Variants in CREB3L3 observed in about 807,000 individuals in gnomAD.
CREB3L3 encodes the protein cAMP responsive element binding protein 3 like 3.
In CREB3L3, 40 loss-of-function variants were observed where a neutral mutation model predicts 44.6. That is an observed-to-expected ratio of 0.90 (90% CI 0.70 to 1.17). The LOEUF (loss-of-function observed/expected upper bound fraction) is 1.17, where lower values mean the gene tolerates loss of function less well. Among genes scored for constraint, CREB3L3 ranks in the 50% most tolerant of loss-of-function variants. CREB3L3 has a pLI of 0.00. For missense variants in CREB3L3, 578 were observed against 595.8 expected (o/e 0.97, Z 0.31); for synonymous variants, 273 against 256.3 (o/e 1.06, Z -0.62).
At chr19:4,161,733 G>T (rs1027049191) in intron 4 of CREB3L3, among the ~76,000 whole-genome samples, 1 of 152,206 alleles carries the variant, frequency 6.6e-6, no homozygotes, top group African/African-American at 2.4e-5. Context: ...AATGCCAAAG[G>T]TTATCCTGAT....
chr19:4,169,002 T>C (rs1396082457), intron 6 of CREB3L3, among the ~76,000 whole-genome samples: 1 of 152,032 alleles, frequency 6.6e-6, no homozygotes, highest in Non-Finnish European at 1.5e-5. Context: ...CCCAAAGTGC[T>C]GGGATTACAG....
chr19:4,159,729 C>T lies in CREB3L3; in HGVS notation c.523C>T (p.Arg175Ter), dbSNP rs531932249. ...KPADPVDLSPRCNLTVKDLLL... is the reference protein window; with the variant it reads ...KPADPVDLSP ...GGCTGATCCGGTGGACCTGTCCCCA[C>T]GATGCAATCTCACCGTGAAAGACCT... is the stretch of plus-strand genomic sequence containing the variant. Residue 175 changes from arginine to a stop codon, truncating the protein, a stop_gained, in exon 4 of 10, where the codon CGA (arginine) becomes TGA (stop). Coordinates refer to ENST00000078445, the MANE Select transcript of CREB3L3 (RefSeq NM_032607.3). LOFTEE classifies it high-confidence loss of function. The T allele has an allele frequency of 2.1e-5, 33 of 1,598,580 alleles. No homozygotes were observed. The highest frequency in any genetic ancestry group is 1.1e-4 in the African/African-American group (8 of 74,746).
chr19:4,156,732 C>G (rs2041584611), intron 2 of CREB3L3, among the ~76,000 whole-genome samples: 1 of 151,620 alleles, frequency 6.6e-6, no homozygotes, highest in Non-Finnish European at 1.5e-5. Flanking sequence ...GAACTCCTGA[C>G]CTCAAGTGAT....
At chr19:4,167,500 AAG>A (rs1285160499) in intron 5 of CREB3L3, among the ~76,000 whole-genome samples, 3 of 139,216 alleles carry the variant, frequency 2.2e-5, no homozygotes, top group South Asian at 2.7e-4. Flanking sequence ...GAGAAAGAGA[AAG>A]AGAAAGAGAG....
chr19:4,167,922 G>A (rs373948870), intron 5 of CREB3L3, among the ~76,000 whole-genome samples: 1 of 151,800 alleles, frequency 6.6e-6, no homozygotes, highest in Non-Finnish European at 1.5e-5. Flanking sequence ...GGACAGTGGG[G>A]ACTGTCGCAC....
intron 6 of CREB3L3, 101 bp from the exon 7 acceptor site, chr19:4,170,039 G>T: frequency 8.9e-7 from 1 of 1,128,522 alleles, no homozygotes; most frequent in Non-Finnish European, 1.3e-6. Flanking sequence ...CTCTGGCCTT[G>T]GGTTCTCTTG....
chr19:4,167,027 C>A (rs532901551), intron 5 of CREB3L3, among the ~76,000 whole-genome samples: 2 of 152,258 alleles, frequency 1.3e-5, no homozygotes, highest in African/African-American at 4.8e-5. Flanking sequence ...AACCACCGCG[C>A]CCAGCCTGAC....
chr19:4,164,412 GTGA>G, intron 4 of CREB3L3, 88 bp from the exon 5 acceptor site: 1 of 1,517,186 alleles, frequency 6.6e-7, no homozygotes. Context: ...CCAGCCTGGG[GTGA>G]TAGTGTTTTC....
At position 4,170,134 on chromosome 19, in the gene CREB3L3, T is replaced by C. The variant is rs1466336437; in HGVS notation, c.822-6T>C. The C allele has an allele frequency of 1.9e-6, 3 of 1,613,994 alleles. No individual in the cohort carries two copies. Among genetic ancestry groups the C allele is most frequent in the Non-Finnish European group, 2.5e-6 (3 of 1,179,902 alleles). The stretch of plus-strand genomic sequence containing the variant: ...GCTGAATGTCGATGCGTCTTCCTCC[T>C]TTCAGGATGTCAGCTTGCACTGCTC... On this transcript the variant is annotated splice_region_variant and splice_polypyrimidine_tract_variant and intron_variant, in intron 6 of 9. Coordinates refer to ENST00000078445, the MANE Select transcript of CREB3L3 (RefSeq NM_032607.3).
chr19:4,164,163 C>T (rs370160203), intron 4 of CREB3L3, among the ~76,000 whole-genome samples: 76 of 151,828 alleles, frequency 5.0e-4, no homozygotes, highest in Middle Eastern at 6.8e-3. Flanking sequence ...TTAGTAGAGA[C>T]GGGGTTTCAC....
Position 4,171,317 on chromosome 19 carries a change from C to T in CREB3L3, c.976-66C>T. ...GGTCTTTGGGGCCTCAGTTTCCCTGCCTGTGGGATGGAGATGCTTGCAGGG... is the reference window on the plus strand; with the variant it reads ...GGTCTTTGGGGCCTCAGTTTCCCTGTCTGTGGGATGGAGATGCTTGCAGGG... On this transcript the variant is annotated intron_variant, in intron 8 of 9. Transcript: ENST00000078445. The surrounding 1 kb of genome is among the most constrained non-coding windows in gnomAD (Gnocchi z 4.9). 1 of 1,522,118 alleles carries T rather than the reference C, an allele frequency of 6.6e-7. No homozygotes were observed. The highest frequency in any genetic ancestry group is 1.1e-5 in the South Asian group (1 of 88,342). 94.3% of individuals were successfully genotyped at this position (1,522,118 alleles called of 1,614,324 possible).
Position 4,172,048 on chromosome 19 carries a change from G to C in CREB3L3, c.*79G>C. ...GCTGCACTGGGCAGCTACCCACCTGGGGATGGGACGTGAGGCCAAGACCCC... is the reference window on the plus strand; with the variant it reads ...GCTGCACTGGGCAGCTACCCACCTGCGGATGGGACGTGAGGCCAAGACCCC... On this transcript the variant is annotated 3_prime_UTR_variant, in exon 10 of 10. Transcript: ENST00000078445. 7.2e-7 allele frequency: 1 copy of C among 1,394,966 alleles called. No homozygotes were observed. The highest frequency in any genetic ancestry group is 2.5e-5 in the East Asian group (1 of 39,964). The allele number at this position is 1,394,966 out of a possible 1,614,324, so 86.4% of individuals were successfully genotyped here.
At chr19:4,160,168 T>C (rs1204591124) in intron 4 of CREB3L3, among the ~76,000 whole-genome samples, 1 of 151,316 alleles carries the variant, frequency 6.6e-6, no homozygotes, top group East Asian at 2.0e-4. Flanking sequence ...TGGTGGCACA[T>C]GCCTGTGGTC....
chr19:4,167,064 C>G (rs150100845), intron 5 of CREB3L3, among the ~76,000 whole-genome samples: 1,934 of 152,172 alleles, frequency 0.013, 19 homozygotes, highest in Non-Finnish European at 0.021. Flanking sequence ...ACTTATTGGC[C>G]GGGTGTGGTG....
At chr19:4,156,436 C>T in intron 2 of CREB3L3, among the ~76,000 whole-genome samples, 1 of 152,038 alleles carries the variant, frequency 6.6e-6, no homozygotes. Flanking sequence ...ATCTGCCCGC[C>T]TTGGCCTCCC....
chr19:4,166,408 C>T (rs1184161697), intron 5 of CREB3L3, among the ~76,000 whole-genome samples: 6 of 148,038 alleles, frequency 4.1e-5, no homozygotes, highest in African/African-American at 5.0e-5. Context: ...GCACGCGCCA[C>T]CACGCCTGGC....
intron 5 of CREB3L3, among the ~76,000 whole-genome samples, chr19:4,167,350 G>T (rs535424433): frequency 3.0e-5 from 2 of 67,772 alleles, no homozygotes; most frequent in East Asian, 1.5e-3. Flanking sequence ...AAGAAAGAAA[G>T]AAAGAGAGAG....
At chr19:4,164,821 G>A (rs1010532408) in intron 5 of CREB3L3, among the ~76,000 whole-genome samples, 181 bp downstream of exon 5, 2 of 152,186 alleles carry the variant, frequency 1.3e-5, no homozygotes, top group Admixed American at 6.6e-5. Context: ...CGATTCTCCC[G>A]CCTCAGCCTC....
rs2041701958 is a variant in CREB3L3 at position 4,164,570 on chromosome 19, T to C, written c.644T>C (p.Leu215Pro). The change falls in exon 5 of 10, where the codon CTC becomes CCC. Residue 215 changes from leucine to proline, a missense_variant. Coordinates refer to ENST00000078445, the MANE Select transcript of CREB3L3 (RefSeq NM_032607.3). ...PGAGHCQELV[L>P]TEDEKKLLAK... ...GCTGGGCACTGTCAGGAGCTGGTGC[T>C]CACCGAGGATGAGAAGAAGCTGCTG... 1 of 1,614,098 alleles carries C rather than the reference T, an allele frequency of 6.2e-7. No individual in the cohort carries two copies. The highest frequency in any genetic ancestry group is 1.3e-5 in the African/African-American group (1 of 75,044).
Sources: allele counts gnomAD v4.1 joint callset (sites outside exome capture counted in the v4.1 genomes callset), GRCh38; gene constraint gnomAD v4.1.1; non-coding constraint Gnocchi (gnomAD v3.1); transcripts MANE v1.5; gene names NCBI Gene and HGNC (gene_info 2026-07-23, HGNC 2026-07-21).